UNC5D: variants seen among roughly 807,000 people sequenced by gnomAD.
The protein encoded by UNC5D is netrin receptor UNC5D.
In UNC5D, 39 loss-of-function variants were observed where a neutral mutation model predicts 105.4. That is an observed-to-expected ratio of 0.37 (90% CI 0.29 to 0.48). The LOEUF (loss-of-function observed/expected upper bound fraction) is 0.48. Ranked by LOEUF, UNC5D falls within the 20% of genes least tolerant of loss-of-function variation. The pLI is 0.98. For synonymous variants in UNC5D, 452 were observed against 450.4 expected (o/e 1.00, Z -0.04); for missense variants, 991 against 1,202.4 (o/e 0.82, Z 2.60).
chr8:35,552,586 A>G (rs1036469210), intron 2 of UNC5D, among the ~76,000 whole-genome samples: 3 of 152,192 alleles, frequency 2.0e-5, no homozygotes, highest in Non-Finnish European at 4.4e-5. Context: ...TGTTTCTGGC[A>G]CTGTTAGACA....
intron 10 of UNC5D, 60 bp downstream of exon 10, chr8:35,726,589 G>A (rs1205813356): frequency 6.4e-7 from 1 of 1,570,576 alleles, no homozygotes; most frequent in Middle Eastern, 1.7e-4. Flanking sequence ...TTTTTACACA[G>A]TTACTTCCCA....
chr8:35,696,331 G>A (rs764427892), intron 7 of UNC5D, among the ~76,000 whole-genome samples: 1 of 143,918 alleles, frequency 6.9e-6, no homozygotes, highest in African/African-American at 2.6e-5. Context: ...GATATCCAAG[G>A]TCCCTTCTAG....
intron 4 of UNC5D, among the ~76,000 whole-genome samples, chr8:35,624,994 AT>A (rs1322968199): frequency 1.3e-5 from 2 of 152,208 alleles, no homozygotes; most frequent in Non-Finnish European, 2.9e-5. Context: ...TATTTTGAAC[AT>A]GCATATGTGT....
intron 1 of UNC5D, among the ~76,000 whole-genome samples, chr8:35,422,531 A>G (rs182011753): frequency 3.3e-5 from 5 of 152,366 alleles, no homozygotes; most frequent in South Asian, 2.1e-4. Context: ...CTGCAATACA[A>G]AATGACAAAA....
Position 35,731,025 on chromosome 8 carries a change from C to T in UNC5D, c.1695C>T (p.Leu565=). 2 of 1,613,828 alleles carry T rather than the reference C, an allele frequency of 1.2e-6. No homozygotes were observed. Among genetic ancestry groups the T allele is most frequent in the Non-Finnish European group, 1.7e-6 (2 of 1,179,838 alleles). Residue 565 remains leucine (L), a synonymous_variant, in exon 11 of 17, where the codon CTC becomes CTT. Transcript: ENST00000404895. ...TTTCTGTTTTAGGGGTGAGCTTACTCATACCACACGGTGCCATCCCAGAGG... is the reference window on the plus strand; with the variant it reads ...TTTCTGTTTTAGGGGTGAGCTTACTTATACCACACGGTGCCATCCCAGAGG... The part of the protein sequence containing the change: ...LVMPNTGVSL[L]IPHGAIPEEN...
intron 1 of UNC5D, among the ~76,000 whole-genome samples, chr8:35,486,108 A>G (rs530246458): frequency 6.6e-6 from 1 of 152,326 alleles, no homozygotes; most frequent in East Asian, 1.9e-4. Context: ...CAGGGTTCCC[A>G]TATAAGGAGA....
chr8:35,618,213 C>T (rs547890297), intron 4 of UNC5D, among the ~76,000 whole-genome samples: 67 of 152,222 alleles, frequency 4.4e-4, no homozygotes, highest in Non-Finnish European at 6.5e-4. Context: ...TGGGCTTAGG[C>T]GATCAGTTTA....
At chr8:35,286,628 A>G (rs552901001) in intron 1 of UNC5D, among the ~76,000 whole-genome samples, 3 of 152,256 alleles carry the variant, frequency 2.0e-5, no homozygotes, top group South Asian at 2.1e-4. Flanking sequence ...AGATGATCCA[A>G]CTCAGCCCTG....
chr8:35,478,307 A>G (rs1178606815), intron 1 of UNC5D, among the ~76,000 whole-genome samples: 1 of 152,194 alleles, frequency 6.6e-6, no homozygotes, highest in Non-Finnish European at 1.5e-5. Context: ...TTGTTCTTTC[A>G]GGTTGGTAAC....
intron 1 of UNC5D, 111 bp downstream of exon 1, chr8:35,235,998 G>C (rs1490276688): frequency 1.0e-6 from 1 of 981,880 alleles, no homozygotes; most frequent in South Asian, 5.3e-5. Flanking sequence ...CCTGCACCTC[G>C]GCGCTCCAAG....
chr8:35,569,821 C>T (rs1346248249), intron 3 of UNC5D, among the ~76,000 whole-genome samples: 1 of 152,184 alleles, frequency 6.6e-6, no homozygotes, highest in East Asian at 1.9e-4. Flanking sequence ...TTTCAAGGCT[C>T]TATCTGCAAA....
At chr8:35,688,624 T>C (rs1230242607) in intron 7 of UNC5D, among the ~76,000 whole-genome samples, 1 of 152,182 alleles carries the variant, frequency 6.6e-6, no homozygotes, top group African/African-American at 2.4e-5. Context: ...ACACCAACCA[T>C]CTGCTGCCTT....
intron 1 of UNC5D, among the ~76,000 whole-genome samples, chr8:35,486,697 T>G (rs1810844651): frequency 6.6e-6 from 1 of 152,132 alleles, no homozygotes; most frequent in Non-Finnish European, 1.5e-5. Context: ...TAGGAAAAAA[T>G]GCAAAGTGAG....
At position 35,793,783 on chromosome 8, in the gene UNC5D, G is replaced by A. The variant is rs1053206397; in HGVS notation, c.*3220G>A. The stretch of plus-strand genomic sequence containing the variant: ...GCAGGAAGTCTCATAAAACTCAGAT[G>A]TACTCCCACAAAAATTTTATTGGCC... On this transcript the variant is annotated 3_prime_UTR_variant, in exon 17 of 17. Coordinates refer to ENST00000404895, the MANE Select transcript of UNC5D (RefSeq NM_080872.4). 7.2e-5 allele frequency: 11 copies of A among 152,548 alleles called. 1 individual carries two copies. The highest frequency in any genetic ancestry group is 2.6e-4 in the Admixed American group (4 of 15,274). The allele number at this position is 152,548 out of a possible 1,614,324, so 9.4% of individuals were successfully genotyped here.
At chr8:35,251,491 T>G (rs182338639) in intron 1 of UNC5D, among the ~76,000 whole-genome samples, 4 of 152,308 alleles carry the variant, frequency 2.6e-5, no homozygotes, top group African/African-American at 9.6e-5. Context: ...TATCACATCC[T>G]AAACCCTTTG....
chr8:35,387,325 T>C (rs1803470916), intron 1 of UNC5D, among the ~76,000 whole-genome samples: 1 of 138,716 alleles, frequency 7.2e-6, no homozygotes, highest in African/African-American at 2.8e-5. Flanking sequence ...ATCGCGCCAC[T>C]GCACTCCAGC....
rs536259646 is a variant in UNC5D, at chr8:35,728,128, T to C, written c.1681+1599T>C. On this transcript the variant is annotated intron_variant, in intron 10 of 16. Transcript: ENST00000404895. ...TATATATATGCCATAAAAACAAAAA[T>C]ACAGAATCATATAAAGCCATGCATT... Among the ~76,000 whole-genome samples, 6 of 89,602 alleles carry C rather than the reference T, an allele frequency of 6.7e-5. No homozygotes were observed. The East Asian group carries it at 1.6e-3, about 24-fold the overall frequency. 58.8% of individuals were successfully genotyped at this position (89,602 alleles called of 152,430 possible).
intron 1 of UNC5D, among the ~76,000 whole-genome samples, chr8:35,522,390 C>T (rs1372704869): frequency 7.2e-5 from 11 of 152,078 alleles, no homozygotes; most frequent in Non-Finnish European, 1.5e-5. Flanking sequence ...TTTCATTTGC[C>T]CTTTTTCTGA....
At chr8:35,362,878 T>G (rs1057023304) in intron 1 of UNC5D, among the ~76,000 whole-genome samples, 2 of 152,150 alleles carry the variant, frequency 1.3e-5, no homozygotes, top group Non-Finnish European at 2.9e-5. Context: ...TGGCTGTGTT[T>G]CCAAAACCTT....
Sources: gnomAD v4.1 joint callset for allele counts (sites outside exome capture counted in the v4.1 genomes callset) on GRCh38, gnomAD v4.1.1 for gene constraint, MANE v1.5 for transcripts, NCBI Gene and HGNC (gene_info 2026-07-23, HGNC 2026-07-21) for gene names.